Variants in DGKH observed in about 807,000 individuals in gnomAD.
DGKH encodes diacylglycerol kinase eta.
A neutral mutation model predicts 159.3 loss-of-function variants in DGKH; 90 were observed. The ratio of observed to expected loss-of-function variants is 0.57; its 90% CI spans 0.48 to 0.67. The LOEUF is 0.67. Ranked by LOEUF, DGKH falls within the 30% of genes least tolerant of loss-of-function variation. The pLI is 0.00. For synonymous variants in DGKH, 536 were observed against 553.8 expected, an observed-to-expected ratio of 0.97 and a Z score of 0.45; for missense variants, 1,181 against 1,506.1, an observed-to-expected ratio of 0.78 and a Z score of 3.57.
At chr13:42,139,552 G>T (rs1413784468) in intron 3 of DGKH, among the ~76,000 whole-genome samples, 1 of 152,082 alleles carries the variant, frequency 6.6e-6, no homozygotes, top group East Asian at 1.9e-4. Flanking sequence ...TCCATGACTC[G>T]GAAAACATAG....
chr13:42,186,007 GGTGGTGT>G (rs574730682), intron 13 of DGKH, among the ~76,000 whole-genome samples: 16,510 of 90,272 alleles, frequency 0.18, 1,033 homozygotes, highest in Admixed American at 0.24. Context: ...TGGTGGTGGT[GGTGGTGT>G]GTGTGTGTGT....
In DGKH at chr13:42,144,142, G is replaced by C. The variant is rs1472134302; in HGVS notation, c.385-11149G>C. ...CAGTTCTATCCTGGCTAGCATGATG[G>C]AGTTCTGTTTGCTGAAATTTTTTAT... On this transcript the variant is annotated intron_variant, in intron 3 of 29. Coordinates refer to ENST00000337343, the MANE Select transcript of DGKH (RefSeq NM_178009.5). Among the ~76,000 whole-genome samples the C allele has an allele frequency of 2.0e-5, 3 of 152,168 alleles. No individual in the cohort carries two copies. In the East Asian group the frequency reaches 5.8e-4, roughly 29 times the overall value.
At chr13:42,164,510 G>A (rs1267007006) in intron 7 of DGKH, among the ~76,000 whole-genome samples, 1 of 152,152 alleles carries the variant, frequency 6.6e-6, no homozygotes, top group Non-Finnish European at 1.5e-5. Context: ...AATTATGCCA[G>A]TTTTCTAAAA....
At chr13:42,104,015 A>G (rs1954701605) in intron 1 of DGKH, among the ~76,000 whole-genome samples, 1 of 152,230 alleles carries the variant, frequency 6.6e-6, no homozygotes, top group African/African-American at 2.4e-5. Flanking sequence ...CTCAAATAAC[A>G]TCAAAGTTTA....
chr13:42,120,539 C>CT (rs1955047942), intron 1 of DGKH, among the ~76,000 whole-genome samples: 2 of 152,244 alleles, frequency 1.3e-5, no homozygotes, highest in East Asian at 3.9e-4. Context: ...TCTCTAACCT[C>CT]AAGTAATATC....
chr13:42,083,745 C>T (rs918853201), intron 1 of DGKH, among the ~76,000 whole-genome samples: 1 of 151,982 alleles, frequency 6.6e-6, no homozygotes, highest in Middle Eastern at 3.2e-3. Context: ...CTAGGACAGA[C>T]AACTTAACCT....
At chr13:42,083,300 T>C (rs1263890801) in intron 1 of DGKH, among the ~76,000 whole-genome samples, 5 of 152,044 alleles carry the variant, frequency 3.3e-5, no homozygotes, top group African/African-American at 7.2e-5. Flanking sequence ...TGATGAGAAA[T>C]CCAGAGGGGT....
chr13:42,190,473 A>G lies in DGKH; in HGVS notation c.1983A>G (p.Thr661=). Residue 661 remains threonine, a synonymous_variant, in exon 16 of 30, where the codon ACA becomes ACG. Transcript: ENST00000337343. ...NQSSDYDSTE[T]DESKEEAKDD... Reference sequence around the variant, plus strand: ...CCTCTGATTATGACAGCACAGAAACAGATGAATCTAAGGAGGAAGCTAAAG... The same window carrying G: ...CCTCTGATTATGACAGCACAGAAACGGATGAATCTAAGGAGGAAGCTAAAG... 1 of 1,611,896 alleles carries G rather than the reference A, an allele frequency of 6.2e-7. No homozygotes were observed. The highest frequency in any genetic ancestry group is 8.5e-7 in the Non-Finnish European group (1 of 1,179,168).
intron 27 of DGKH, 65 bp downstream of exon 27, chr13:42,219,414 C>T (rs1357854948): frequency 1.3e-6 from 2 of 1,563,682 alleles, no homozygotes; most frequent in South Asian, 1.2e-5. Flanking sequence ...TTGAACTCAT[C>T]TTTGAAAAAG....
At chr13:42,212,775 T>C (rs1054666356) in intron 24 of DGKH, among the ~76,000 whole-genome samples, 3 of 152,092 alleles carry the variant, frequency 2.0e-5, no homozygotes, top group African/African-American at 7.2e-5. Flanking sequence ...CACAGATTAG[T>C]AGGAGGGAGA....
intron 1 of DGKH, among the ~76,000 whole-genome samples, chr13:42,079,465 C>T (rs929573161): frequency 6.6e-5 from 10 of 152,086 alleles, no homozygotes; most frequent in Admixed American, 2.6e-4. Flanking sequence ...CCTACCCTCT[C>T]GCCCCTCCAA....
intron 1 of DGKH, among the ~76,000 whole-genome samples, chr13:42,058,196 C>T (rs1021989302): frequency 6.6e-6 from 1 of 152,104 alleles, no homozygotes; most frequent in Non-Finnish European, 1.5e-5. Flanking sequence ...GTAGTAAGTC[C>T]TCACTTAACA....
intron 5 of DGKH, among the ~76,000 whole-genome samples, chr13:42,156,693 C>T (rs1956056483): frequency 6.6e-6 from 1 of 152,004 alleles, no homozygotes. Context: ...CTTTTTTTCT[C>T]TAATCCAAAA....
At chr13:42,186,010 GGTGTGTGTGTGTGTGTGTGT>G (rs3039205) in intron 13 of DGKH, among the ~76,000 whole-genome samples, 4 of 132,290 alleles carry the variant, frequency 3.0e-5, no homozygotes, top group African/African-American at 1.1e-4. Flanking sequence ...TGGTGGTGGT[GGTGTGTGTGTGTGTGTGTGT>G]GTGTGTGTGT....
intron 29 of DGKH, among the ~76,000 whole-genome samples, chr13:42,226,270 G>A (rs902317223): frequency 2.6e-5 from 4 of 152,248 alleles, no homozygotes; most frequent in South Asian, 4.1e-4. Context: ...TAGTCAGAAC[G>A]GCAATTGTTA....
chr13:42,204,257 G>T (rs1015316182), intron 20 of DGKH, among the ~76,000 whole-genome samples: 2 of 152,104 alleles, frequency 1.3e-5, no homozygotes, highest in Admixed American at 6.5e-5. Flanking sequence ...TCTGTTTAAT[G>T]TATTGGGTTG....
chr13:42,178,582 G>T (rs1956666453), intron 13 of DGKH, among the ~76,000 whole-genome samples: 1 of 151,902 alleles, frequency 6.6e-6, no homozygotes, highest in Non-Finnish European at 1.5e-5. Flanking sequence ...TACTATTTAG[G>T]AACTGTTTAC....
intron 1 of DGKH, among the ~76,000 whole-genome samples, chr13:42,106,701 TCTC>T (rs1490652561): frequency 2.0e-5 from 3 of 152,178 alleles, no homozygotes; most frequent in Non-Finnish European, 4.4e-5. Context: ...TGATTTACCT[TCTC>T]CTCATACTGT....
At position 42,238,159 on chromosome 13, in the gene DGKH, T is replaced by C. The variant is rs1406423043; in HGVS notation, c.*8971T>C. On this transcript the variant is annotated 3_prime_UTR_variant, in exon 30 of 30. Transcript: ENST00000337343. The stretch of plus-strand genomic sequence containing the variant: ...GGTAACGTTTCTTTTACTAAAGGAA[T>C]TATATAAGTATGAATCATACCTAAT... 6.6e-6 allele frequency: 1 copy of C among 152,202 alleles called. No individual in the cohort carries two copies. The highest frequency in any genetic ancestry group is 2.4e-5 in the African/African-American group (1 of 41,456). The allele number at this position is 152,202 out of a possible 1,614,324, so 9.4% of individuals were successfully genotyped here. A position where few individuals can be genotyped will look rare whatever the true frequency, so the allele number is the denominator to read the frequency against.
Sources: allele counts gnomAD v4.1 joint callset (sites outside exome capture counted in the v4.1 genomes callset), GRCh38; gene constraint gnomAD v4.1.1; transcripts MANE v1.5; gene names NCBI Gene and HGNC (gene_info 2026-07-23, HGNC 2026-07-21).